TMTC2: variants seen among roughly 807,000 people sequenced by gnomAD.
The protein encoded by TMTC2 is protein O-mannosyl-transferase TMTC2.
A neutral mutation model predicts 82.4 loss-of-function variants in TMTC2; 43 were observed. The observed-to-expected ratio is 0.52, with a 90% CI of 0.41 to 0.67. The LOEUF (loss-of-function observed/expected upper bound fraction) is 0.67. Among genes scored for constraint, TMTC2 ranks in the 30% least tolerant of loss-of-function variants. The pLI is 0.00. For synonymous variants in TMTC2, 408 were observed against 381.9 expected (o/e 1.07, Z -0.80); for missense variants, 919 against 1,012.4 (o/e 0.91, Z 1.25).
rs149634706 is a variant in TMTC2, at chr12:83,132,521, A to G, written c.*132A>G. The G allele has an allele frequency of 9.8e-7, 1 of 1,017,316 alleles. No individual in the cohort carries two copies. Among genetic ancestry groups the G allele is most frequent in the East Asian group, 2.7e-5 (1 of 36,728 alleles). 63.0% of individuals were successfully genotyped at this position (1,017,316 alleles called of 1,614,324 possible). On this transcript the variant is annotated 3_prime_UTR_variant, in exon 12 of 12. Transcript: ENST00000321196. ...CAGGGCAGAGGTCATTGAGGTCACTACCGCTTCTGGAAGAATCCACTTTGC... is the reference window on the plus strand; with the variant it reads ...CAGGGCAGAGGTCATTGAGGTCACTGCCGCTTCTGGAAGAATCCACTTTGC...
intron 7 of TMTC2, among the ~76,000 whole-genome samples, chr12:82,974,485 T>C (rs889351651): frequency 6.6e-6 from 1 of 152,188 alleles, no homozygotes; most frequent in Non-Finnish European, 1.5e-5. Context: ...GATAATTTTG[T>C]GTGAAGGATA....
chr12:82,697,213 G>T (rs1872849627), intron 1 of TMTC2, among the ~76,000 whole-genome samples: 2 of 151,552 alleles, frequency 1.3e-5, no homozygotes, highest in Admixed American at 1.3e-4. Flanking sequence ...GCATGGTGAT[G>T]CATCCCTGTA....
chr12:82,876,132 G>GGTGGTGGTGGTGGTGGTATTAGTA (rs1872550469), intron 2 of TMTC2, among the ~76,000 whole-genome samples: 1 of 145,362 alleles, frequency 6.9e-6, no homozygotes. Context: ...TATTAGTAAT[G>GGTGGTGGTGGTGGTGGTATTAGTA]GTGGTGGTGG....
chr12:83,077,901 T>TTTTC (rs1565879958), intron 11 of TMTC2, among the ~76,000 whole-genome samples: 2 of 141,118 alleles, frequency 1.4e-5, no homozygotes, highest in Non-Finnish European at 1.6e-5. Flanking sequence ...TTTTTTTTTT[T>TTTTC]TTTTAACAGG....
intron 2 of TMTC2, among the ~76,000 whole-genome samples, chr12:82,869,030 G>A (rs1223955676): frequency 6.6e-6 from 1 of 152,022 alleles, no homozygotes; most frequent in Non-Finnish European, 1.5e-5. Context: ...GGTAACTTTG[G>A]CTTACTGAGA....
intron 4 of TMTC2, among the ~76,000 whole-genome samples, chr12:82,949,510 C>T (rs1161153791): frequency 6.6e-6 from 1 of 151,980 alleles, no homozygotes. Context: ...ATCTGGCAAC[C>T]TTGTACTTTG....
At chr12:82,983,140 C>T (rs1023816870) in intron 7 of TMTC2, among the ~76,000 whole-genome samples, 2 of 151,988 alleles carry the variant, frequency 1.3e-5, no homozygotes, top group Non-Finnish European at 2.9e-5. Context: ...GAACATAAGT[C>T]AGACATTTGT....
chr12:82,961,505 C>G (rs939085861), intron 4 of TMTC2, among the ~76,000 whole-genome samples: 2 of 152,012 alleles, frequency 1.3e-5, no homozygotes, highest in Non-Finnish European at 2.9e-5. Flanking sequence ...TCTCTTTTCT[C>G]TTTTCCTTCT....
At chr12:82,784,179 G>GT (rs1211679568) in intron 1 of TMTC2, among the ~76,000 whole-genome samples, 4 of 151,818 alleles carry the variant, frequency 2.6e-5, no homozygotes, top group Admixed American at 2.6e-4. Context: ...TTTGAATATT[G>GT]TAAGTCTAAA....
Position 82,895,823 on chromosome 12 carries a change from G to A in TMTC2, c.660G>A (p.Lys220=). 6.2e-7 allele frequency: 1 copy of A among 1,602,452 alleles called. No individual in the cohort carries two copies. The highest frequency in any genetic ancestry group is 8.5e-7 in the Non-Finnish European group (1 of 1,174,004). ...KQILPTIYKR[K]NLSLFLSISL... ...CTTCTCTCTTTTGGTTTCAGAGGAA[G>A]AACTTGTCGCTTTTCCTAAGCATTA... Residue 220 remains lysine, a synonymous_variant, in exon 3 of 12, where the codon AAG becomes AAA. Coordinates refer to ENST00000321196, the MANE Select transcript of TMTC2 (RefSeq NM_152588.3).
chr12:82,794,783 G>GT (rs1878638438), intron 1 of TMTC2, among the ~76,000 whole-genome samples: 1 of 152,122 alleles, frequency 6.6e-6, no homozygotes, highest in African/African-American at 2.4e-5. Flanking sequence ...TCTAACTGAT[G>GT]TAAGTCGCAG....
intron 2 of TMTC2, among the ~76,000 whole-genome samples, chr12:82,881,497 C>T (rs1872821821): frequency 6.6e-6 from 1 of 152,210 alleles, no homozygotes; most frequent in Non-Finnish European, 1.5e-5. Context: ...TCACCACCTA[C>T]AGGCTCCAAA....
At chr12:82,958,293 T>C (rs1305914116) in intron 4 of TMTC2, among the ~76,000 whole-genome samples, 1 of 145,868 alleles carries the variant, frequency 6.9e-6, no homozygotes, top group Non-Finnish European at 1.5e-5. Context: ...AAATCAAGGC[T>C]TCTGTGAGTT....
At chr12:82,703,562 G>A (rs1592859354) in intron 1 of TMTC2, among the ~76,000 whole-genome samples, 2 of 148,876 alleles carry the variant, frequency 1.3e-5, no homozygotes, top group South Asian at 2.1e-4. Context: ...GCAGTGGCAC[G>A]ATCTCGGCTC....
At position 83,111,319 on chromosome 12, in the gene TMTC2, T is replaced by C. The variant is rs139283879; in HGVS notation, c.2332-20891T>C. Among the ~76,000 whole-genome samples the C allele has an allele frequency of 7.5e-3, 1,137 of 152,340 alleles. 41 individuals are homozygous for C. Among genetic ancestry groups the C allele is most frequent in the East Asian group, 0.053 (275 of 5,174 alleles). On this transcript the variant is annotated intron_variant, in intron 11 of 11. Transcript: ENST00000321196. ...GTTGTAATGGGCCACATAGTAAATA[T>C]TTCAAGCTTTGTAGCCATAAGATCT...
At chr12:83,015,346 A>G (rs1483463599) in intron 8 of TMTC2, among the ~76,000 whole-genome samples, 3 of 152,192 alleles carry the variant, frequency 2.0e-5, no homozygotes, top group Non-Finnish European at 4.4e-5. Flanking sequence ...GCCATCCTAT[A>G]TACCTTTGAA....
At chr12:82,946,171 T>G (rs1005624217) in intron 4 of TMTC2, among the ~76,000 whole-genome samples, 1 of 149,834 alleles carries the variant, frequency 6.7e-6, no homozygotes, top group African/African-American at 2.6e-5. Context: ...ACTATATAAT[T>G]TACTACCTAT....
At chr12:83,085,985 C>T (rs535466732) in intron 11 of TMTC2, among the ~76,000 whole-genome samples, 1 of 152,106 alleles carries the variant, frequency 6.6e-6, no homozygotes, top group African/African-American at 2.4e-5. Context: ...GATTCTCAAC[C>T]TTGGCTGCAC....
intron 1 of TMTC2, among the ~76,000 whole-genome samples, chr12:82,809,536 G>A (rs1158611211): frequency 6.6e-6 from 1 of 152,116 alleles, no homozygotes; most frequent in Non-Finnish European, 1.5e-5. Flanking sequence ...ATTTTAAAAA[G>A]TGTTTAAACA....
Sources: gnomAD v4.1 joint callset for allele counts (sites outside exome capture counted in the v4.1 genomes callset) on GRCh38, gnomAD v4.1.1 for gene constraint, MANE v1.5 for transcripts, NCBI Gene and HGNC (gene_info 2026-07-23, HGNC 2026-07-21) for gene names.